The following GK variants were observed in gnomAD, a reference collection of about 807,000 sequenced individuals.
GK encodes ATP:glycerol 3-phosphotransferase.
Under a neutral mutation model 56.4 loss-of-function variants are expected in GK, and 9 were observed. The ratio of observed to expected loss-of-function variants is 0.16; its 90% confidence interval spans 0.10 to 0.28. The LOEUF is 0.28. Among genes scored for constraint, GK ranks in the 10% least tolerant of loss-of-function variants. GK has a pLI of 1.00. For synonymous variants in GK, 104 were observed against 144.1 expected (o/e 0.72, Z 1.99); for missense variants, 161 against 431.4 (o/e 0.37, Z 5.55).
intron 14 of GK, 21 bp downstream of exon 14, chrX:30,718,637 G>T (rs1408135305): frequency 1.0e-6 from 1 of 977,476 alleles, no homozygotes; most frequent in Non-Finnish European, 1.5e-6. Flanking sequence ...TCTAACAAAA[G>T]GTTAGAAAAT....
intron 13 of GK, 70 bp downstream of exon 13, chrX:30,708,204 T>TAGAA: frequency 1.7e-6 from 1 of 602,829 alleles, no homozygotes; most frequent in Non-Finnish European, 2.7e-6. Context: ...CAGTGTTTTC[T>TAGAA]AACACTTTTC....
chrX:30,693,121 A>G (rs1250440230), intron 5 of GK, among the ~76,000 whole-genome samples: 1 of 98,172 alleles, frequency 1.0e-5, no homozygotes, highest in Non-Finnish European at 2.0e-5. Flanking sequence ...GGTTCATGCC[A>G]TTCTCCTGCC....
At chrX:30,717,472 C>A (rs1936686347) in intron 13 of GK, among the ~76,000 whole-genome samples, 2 of 110,653 alleles carry the variant, frequency 1.8e-5, no homozygotes, top group Non-Finnish European at 3.8e-5. Context: ...CAAAAAGAAA[C>A]CCCATAACCA....
chrX:30,685,287 G>T (rs1487268694), intron 4 of GK, among the ~76,000 whole-genome samples: 2 of 110,556 alleles, frequency 1.8e-5, no homozygotes, highest in Non-Finnish European at 3.8e-5. Context: ...GCCTGCCACC[G>T]CTCCCGGCTA....
intron 4 of GK, among the ~76,000 whole-genome samples, chrX:30,686,929 A>G (rs905022808): frequency 7.2e-5 from 8 of 110,700 alleles, no homozygotes; most frequent in African/African-American, 2.6e-4. Flanking sequence ...CCTAGCATCA[A>G]TTTTCCTTCT....
intron 3 of GK, among the ~76,000 whole-genome samples, chrX:30,672,851 C>G (rs1320458478): frequency 9.0e-6 from 1 of 111,651 alleles, no homozygotes; most frequent in Non-Finnish European, 1.9e-5. Context: ...TATCTCTCTT[C>G]CCACATGGTA....
At chrX:30,667,247 G>A (rs1386340887) in intron 2 of GK, among the ~76,000 whole-genome samples, 2 of 112,028 alleles carry the variant, frequency 1.8e-5, no homozygotes, top group African/African-American at 6.5e-5. Flanking sequence ...CCTGAGAAAG[G>A]CAGAGAAGAA....
At chrX:30,691,244 T>A (rs191154445) in intron 5 of GK, 45 bp downstream of exon 5, 246 of 756,266 alleles carry the variant, frequency 3.3e-4, no homozygotes, top group East Asian at 1.8e-3. Flanking sequence ...TTTCTTTTTT[T>A]AAAAAAAGTT....
intron 13 of GK, among the ~76,000 whole-genome samples, 194 bp from the exon 14 acceptor site, chrX:30,718,344 T>A (rs769634781): frequency 1.1e-3 from 120 of 112,013 alleles, no homozygotes; most frequent in African/African-American, 3.2e-3. Context: ...CTTTTCCTCA[T>A]CCCGTGAAAA....
chrX:30,689,443 G>A (rs1404650344), intron 4 of GK: 1 of 320,579 alleles, frequency 3.1e-6, no homozygotes, highest in Non-Finnish European at 6.1e-6. Context: ...TTTAAAGCAG[G>A]GGGCAGTTCT....
chrX:30,707,328 CAAAA>C (rs199672974), intron 11 of GK, among the ~76,000 whole-genome samples: 1 of 52,899 alleles, frequency 1.9e-5, no homozygotes. Context: ...GACTCCATCT[CAAAA>C]AAAAAAAAAA....
At chrX:30,711,804 T>A (rs1042842777) in intron 13 of GK, among the ~76,000 whole-genome samples, 1 of 111,655 alleles carries the variant, frequency 9.0e-6, no homozygotes, top group Non-Finnish European at 1.9e-5. Context: ...TAAAGGCTCA[T>A]GTAACTTGTT....
chrX:30,681,926 G>A (rs1349782640), intron 4 of GK, among the ~76,000 whole-genome samples: 1 of 112,078 alleles, frequency 8.9e-6, no homozygotes, highest in Non-Finnish European at 1.9e-5. Context: ...GCAGAGTAGT[G>A]TAGACTTGAT....
At chrX:30,658,928 A>G (rs1307862688) in intron 1 of GK, among the ~76,000 whole-genome samples, 3 of 113,049 alleles carry the variant, frequency 2.7e-5, no homozygotes, top group Non-Finnish European at 5.6e-5. Context: ...GGATTAGAAT[A>G]GACCGATAAA....
rs1287184066 is a variant in GK at position 30,709,202 on chromosome X, A to G, written c.975+1068A>G. Among the ~76,000 whole-genome samples, 3 of 112,257 alleles carry G rather than the reference A, an allele frequency of 2.7e-5. No homozygotes were observed. In the East Asian group the frequency reaches 8.4e-4, roughly 31 times the overall value. On this transcript the variant is annotated intron_variant, in intron 13 of 20. Transcript: ENST00000427190. ...GATAAGTGTTACCTATAATATAATA[A>G]GAATATGATTCTGCTTTTTTTCTTC...
chrX:30,658,482 A>AT (rs1411927929), intron 1 of GK, among the ~76,000 whole-genome samples: 4 of 111,060 alleles, frequency 3.6e-5, no homozygotes, highest in Non-Finnish European at 7.6e-5. Context: ...TGCCCAGCTA[A>AT]TTTTTTTGTA....
intron 4 of GK, among the ~76,000 whole-genome samples, chrX:30,684,258 G>A (rs1479942909): frequency 1.8e-5 from 2 of 112,010 alleles, no homozygotes; most frequent in Non-Finnish European, 3.8e-5. Context: ...CCCCTAATTG[G>A]CCAAGTTTGC....
chrX:30,721,160 T>C, intron 18 of GK, 165 bp downstream of exon 18: 1 of 511,466 alleles, frequency 2.0e-6, no homozygotes, highest in East Asian at 3.6e-5. Context: ...TGAATAAATG[T>C]GAATGAGAGA....
chrX:30,708,425 T>C (rs770643191), intron 13 of GK, among the ~76,000 whole-genome samples: 75 of 109,851 alleles, frequency 6.8e-4, no homozygotes, highest in Non-Finnish European at 9.1e-4. Context: ...ATCTCTAAAG[T>C]TTAATCGGAT....
Sources: gnomAD v4.1 joint callset for allele counts (sites outside exome capture counted in the v4.1 genomes callset) on GRCh38, gnomAD v4.1.1 for gene constraint, MANE v1.5 for transcripts, NCBI Gene and HGNC (gene_info 2026-07-23, HGNC 2026-07-21) for gene names.